The following ZDHHC21 variants were observed in gnomAD, a reference collection of about 807,000 sequenced individuals.
ZDHHC21 encodes zDHHC palmitoyltransferase 21, also known as palmitoyltransferase ZDHHC21.
In ZDHHC21, 15 loss-of-function variants were observed where a neutral mutation model predicts 34.6. The observed-to-expected ratio is 0.43, with a 90% CI of 0.29 to 0.67. The LOEUF (loss-of-function observed/expected upper bound fraction) is 0.67, where lower values mean the gene tolerates loss of function less well. ZDHHC21 is among the 30% of genes least tolerant of loss of function. The pLI is 0.14. For synonymous variants in ZDHHC21, 142 were observed against 101.8 expected, an observed-to-expected ratio of 1.40 and a Z score of -2.38; for missense variants, 344 against 327.7, an observed-to-expected ratio of 1.05 and a Z score of -0.38.
intron 2 of ZDHHC21, among the ~76,000 whole-genome samples, chr9:14,687,235 C>T (rs1465224823): frequency 6.6e-6 from 1 of 150,754 alleles, no homozygotes; most frequent in African/African-American, 2.5e-5. Flanking sequence ...CACTTGCTGG[C>T]TTAAAATCAA....
intron 7 of ZDHHC21, among the ~76,000 whole-genome samples, chr9:14,651,074 A>G (rs1831157310): frequency 6.6e-6 from 1 of 151,916 alleles, no homozygotes; most frequent in Admixed American, 6.6e-5. Context: ...GCCACAAATT[A>G]TTTTTTTAAA....
chr9:14,623,153 C>CA (rs1336523101), intron 8 of ZDHHC21, among the ~76,000 whole-genome samples: 1 of 140,848 alleles, frequency 7.1e-6, no homozygotes, highest in African/African-American at 2.9e-5. Flanking sequence ...AAAAAGGCAA[C>CA]AACAAAAAAA....
At chr9:14,670,203 G>T (rs1055166773) in intron 5 of ZDHHC21, among the ~76,000 whole-genome samples, 1 of 151,980 alleles carries the variant, frequency 6.6e-6, no homozygotes, top group Non-Finnish European at 1.5e-5. Flanking sequence ...TGAGAAATCA[G>T]CATATAATAT....
chr9:14,647,039 G>C (rs1830379825), intron 7 of ZDHHC21, among the ~76,000 whole-genome samples: 1 of 152,064 alleles, frequency 6.6e-6, no homozygotes, highest in African/African-American at 2.4e-5. Flanking sequence ...TGAAGAGACA[G>C]AGAAAAGTAT....
At chr9:14,621,660 T>C (rs980673731) in intron 8 of ZDHHC21, among the ~76,000 whole-genome samples, 1 of 152,076 alleles carries the variant, frequency 6.6e-6, no homozygotes, top group Non-Finnish European at 1.5e-5. Context: ...AGAATACTGT[T>C]ATAAGTACAA....
rs149263239 is a variant in ZDHHC21 at position 14,692,370 on chromosome 9, T to C, written c.-225+859A>G. The stretch of plus-strand genomic sequence containing the variant: ...ACCTATTTAACACATCTTTTTAAAT[T>C]GCACTTAATTATCCTTAGTCGCCTT... On this transcript the variant is annotated intron_variant, in intron 1 of 9. Coordinates refer to ENST00000380916, the MANE Select transcript of ZDHHC21 (RefSeq NM_178566.6). 2.0e-5 allele frequency among the ~76,000 whole-genome samples: 3 copies of C among 152,340 alleles called. No individual in the cohort carries two copies. The East Asian group carries it at 5.8e-4, about 29-fold the overall frequency.
At chr9:14,633,084 C>T (rs1201817622) in intron 8 of ZDHHC21, among the ~76,000 whole-genome samples, 1 of 152,156 alleles carries the variant, frequency 6.6e-6, no homozygotes, top group Non-Finnish European at 1.5e-5. Flanking sequence ...TGAAAATGTA[C>T]GTCCACACAA....
At position 14,618,866 on chromosome 9, in the gene ZDHHC21, T is replaced by G; in HGVS notation, c.*100A>C. On this transcript the variant is annotated 3_prime_UTR_variant, in exon 10 of 10. Coordinates refer to ENST00000380916, the MANE Select transcript of ZDHHC21 (RefSeq NM_178566.6). ...CATTATGATGCCTAAGACTGGTGGG[T>G]GGATTTTAATTGACTTGAAGACTGT... The G allele has an allele frequency of 7.5e-7, 1 of 1,327,670 alleles. No homozygotes were observed. Among genetic ancestry groups the G allele is most frequent in the Non-Finnish European group, 9.9e-7 (1 of 1,009,422 alleles). The allele number at this position is 1,327,670 out of a possible 1,614,324, so 82.2% of individuals were successfully genotyped here. A position where few individuals can be genotyped will look rare whatever the true frequency, so the allele number is the denominator to read the frequency against.
intron 8 of ZDHHC21, among the ~76,000 whole-genome samples, chr9:14,621,004 C>T (rs1439606050): frequency 6.6e-6 from 1 of 151,988 alleles, no homozygotes; most frequent in African/African-American, 2.4e-5. Context: ...AGTCTACAAA[C>T]ATATGAGAAC....
chr9:14,661,074 C>T (rs1167967833), intron 6 of ZDHHC21, among the ~76,000 whole-genome samples: 1 of 152,118 alleles, frequency 6.6e-6, no homozygotes, highest in East Asian at 1.9e-4. Context: ...AAATTCAAGG[C>T]ACAGTTTTGA....
At chr9:14,629,229 T>C (rs1826872947) in intron 8 of ZDHHC21, among the ~76,000 whole-genome samples, 1 of 152,204 alleles carries the variant, frequency 6.6e-6, no homozygotes. Context: ...CAGAAAGAGA[T>C]GAAACTTTTG....
intron 2 of ZDHHC21, among the ~76,000 whole-genome samples, chr9:14,685,821 T>C (rs1163208508): frequency 2.6e-5 from 4 of 152,162 alleles, no homozygotes; most frequent in Admixed American, 6.5e-5. Flanking sequence ...TCATCAATGA[T>C]AGACTGGATT....
intron 5 of ZDHHC21, among the ~76,000 whole-genome samples, chr9:14,665,838 C>T (rs951385582): frequency 6.7e-6 from 1 of 148,318 alleles, no homozygotes; most frequent in Non-Finnish European, 1.5e-5. Context: ...TAAAAGAGCT[C>T]CTGAAGGAAG....
chr9:14,592,045 G>A, the ZDHHC21 span, among the ~76,000 whole-genome samples: 1 of 151,922 alleles, frequency 6.6e-6, no homozygotes, highest in Admixed American at 6.6e-5. Flanking sequence ...TTACATCAAA[G>A]TATTATTGGT....
intron 7 of ZDHHC21, among the ~76,000 whole-genome samples, chr9:14,655,280 A>G (rs1831984380): frequency 6.6e-6 from 1 of 151,468 alleles, no homozygotes; most frequent in Admixed American, 6.6e-5. Flanking sequence ...TCAAAAATGA[A>G]GGAGAAATAA....
chr9:14,598,311 T>G, the ZDHHC21 span, among the ~76,000 whole-genome samples: 3 of 152,152 alleles, frequency 2.0e-5, no homozygotes, highest in Non-Finnish European at 1.5e-5. Flanking sequence ...AACCATAGCC[T>G]AAGCCACTGT....
chr9:14,629,673 A>G (rs1361089670), intron 8 of ZDHHC21, among the ~76,000 whole-genome samples: 1 of 152,120 alleles, frequency 6.6e-6, no homozygotes, highest in African/African-American at 2.4e-5. Flanking sequence ...GAGATGTAAT[A>G]TTTTTGCTGG....
At chr9:14,606,921 A>G (rs971191439), downstream of ZDHHC21, among the ~76,000 whole-genome samples, 1 of 152,120 alleles carries the variant, frequency 6.6e-6, no homozygotes, top group African/African-American at 2.4e-5. Flanking sequence ...GAATGTGTGT[A>G]AAGAATTTTG....
intron 3 of ZDHHC21, among the ~76,000 whole-genome samples, chr9:14,678,573 T>G (rs1247295920): frequency 6.6e-6 from 1 of 152,090 alleles, no homozygotes; most frequent in Non-Finnish European, 1.5e-5. Context: ...ACATTATTGG[T>G]GGGCATGTAA....
Sources: gnomAD v4.1 joint callset for allele counts (sites outside exome capture counted in the v4.1 genomes callset) on GRCh38, gnomAD v4.1.1 for gene constraint, MANE v1.5 for transcripts, NCBI Gene and HGNC (gene_info 2026-07-23, HGNC 2026-07-21) for gene names.